Variants in SPOCK3 observed in about 807,000 individuals in gnomAD.
SPOCK3 encodes testican-3.
Under a neutral mutation model 56.6 loss-of-function variants are expected in SPOCK3, and 30 were observed. That is an observed-to-expected ratio of 0.53 (90% CI 0.40 to 0.72). The LOEUF (loss-of-function observed/expected upper bound fraction) is 0.72. SPOCK3 is among the 30% of genes least tolerant of loss of function. The probability of loss-of-function intolerance (pLI) is 0.00; values close to 1 mark genes in which losing one functional copy is unlikely to be tolerated. For synonymous variants in SPOCK3, 196 were observed against 183.3 expected, an observed-to-expected ratio of 1.07 and a Z score of -0.56; for missense variants, 527 against 530.0, an observed-to-expected ratio of 0.99 and a Z score of 0.06.
chr4:167,065,351 G>T (rs1467661102), intron 2 of SPOCK3, among the ~76,000 whole-genome samples: 1 of 151,796 alleles, frequency 6.6e-6, no homozygotes, highest in Non-Finnish European at 1.5e-5. Context: ...CTGAACACCT[G>T]CAGAGATGAG....
chr4:167,108,258 A>C (rs1266751068), intron 2 of SPOCK3, among the ~76,000 whole-genome samples: 2 of 151,886 alleles, frequency 1.3e-5, no homozygotes, highest in Non-Finnish European at 2.9e-5. Context: ...GTTCCTCAAA[A>C]AACTAAAAAT....
chr4:167,172,460 A>G (rs912817096), intron 2 of SPOCK3, among the ~76,000 whole-genome samples: 1 of 152,198 alleles, frequency 6.6e-6, no homozygotes, highest in African/African-American at 2.4e-5. Context: ...ATATAAACTG[A>G]CAACCAACCA....
chr4:167,109,177 T>A (rs866981343), intron 2 of SPOCK3, among the ~76,000 whole-genome samples: 14 of 78,598 alleles, frequency 1.8e-4, no homozygotes, highest in African/African-American at 7.0e-4. Flanking sequence ...TATATAAAAA[T>A]ATATATAAAT....
intron 6 of SPOCK3, among the ~76,000 whole-genome samples, chr4:166,874,894 C>G (rs1328030745): frequency 6.6e-6 from 1 of 151,966 alleles, no homozygotes; most frequent in Non-Finnish European, 1.5e-5. Flanking sequence ...ATGTCAATAC[C>G]TTCTATTTAT....
chr4:166,873,354 T>C (rs1732699103), intron 6 of SPOCK3, among the ~76,000 whole-genome samples: 1 of 152,144 alleles, frequency 6.6e-6, no homozygotes, highest in Non-Finnish European at 1.5e-5. Context: ...TCCAAGCCCA[T>C]AATATGTACA....
chr4:166,935,594 C>T (rs554042730), intron 4 of SPOCK3, among the ~76,000 whole-genome samples: 3 of 152,254 alleles, frequency 2.0e-5, no homozygotes, highest in Admixed American at 1.3e-4. Flanking sequence ...ATGTTAACCA[C>T]TGTAAATGTA....
At chr4:167,119,384 A>G (rs1216428319) in intron 2 of SPOCK3, among the ~76,000 whole-genome samples, 2 of 152,170 alleles carry the variant, frequency 1.3e-5, no homozygotes, top group East Asian at 3.8e-4. Flanking sequence ...AATACATATG[A>G]GAGCAGATGT....
chr4:166,799,231 G>A (rs552271542), intron 6 of SPOCK3, among the ~76,000 whole-genome samples: 7 of 152,284 alleles, frequency 4.6e-5, no homozygotes, highest in African/African-American at 1.7e-4. Flanking sequence ...GAGCAAAATG[G>A]AGAAGTACTG....
At chr4:166,833,082 A>G (rs1160970054) in intron 6 of SPOCK3, among the ~76,000 whole-genome samples, 2 of 152,216 alleles carry the variant, frequency 1.3e-5, no homozygotes, top group Non-Finnish European at 2.9e-5. Flanking sequence ...TTAAAAAAGC[A>G]AACAAATATT....
intron 4 of SPOCK3, among the ~76,000 whole-genome samples, chr4:166,953,911 A>C (rs888083917): frequency 1.3e-5 from 2 of 152,112 alleles, no homozygotes; most frequent in African/African-American, 4.8e-5. Flanking sequence ...CAGGAAGGGG[A>C]ACATCACACT....
intron 9 of SPOCK3, among the ~76,000 whole-genome samples, chr4:166,738,576 G>C (rs1445626664): frequency 6.8e-6 from 1 of 147,574 alleles, no homozygotes; most frequent in Non-Finnish European, 1.5e-5. Flanking sequence ...CCATTAACTC[G>C]TCACTTAGCA....
chr4:167,127,231 C>T (rs1762353233), intron 2 of SPOCK3, among the ~76,000 whole-genome samples: 2 of 152,052 alleles, frequency 1.3e-5, no homozygotes, highest in South Asian at 2.1e-4. Context: ...TATGTGTCAA[C>T]AGATACTAAT....
At chr4:167,023,684 G>A (rs1439158579) in intron 3 of SPOCK3, among the ~76,000 whole-genome samples, 1 of 151,884 alleles carries the variant, frequency 6.6e-6, no homozygotes, top group Non-Finnish European at 1.5e-5. Context: ...AATGCTCCAG[G>A]CATGGTTCTG....
intron 2 of SPOCK3, among the ~76,000 whole-genome samples, chr4:167,072,993 T>C (rs115555278): frequency 7.5e-4 from 114 of 151,948 alleles, no homozygotes; most frequent in African/African-American, 2.7e-3. Flanking sequence ...AGATATTGTT[T>C]ACTGCTTAAG....
chr4:166,744,344 G>T (rs1249761669), intron 8 of SPOCK3, among the ~76,000 whole-genome samples: 2 of 152,154 alleles, frequency 1.3e-5, no homozygotes, highest in Admixed American at 1.3e-4. Context: ...GGCAAACAGG[G>T]TCTGGAGTGG....
intron 7 of SPOCK3, among the ~76,000 whole-genome samples, chr4:166,764,886 C>A (rs551693538): frequency 3.4e-4 from 51 of 151,590 alleles, no homozygotes; most frequent in Non-Finnish European, 7.1e-4. Context: ...ACCATTCTAA[C>A]TGGTGTGAGA....
At chr4:167,087,397 C>T (rs1291842347) in intron 2 of SPOCK3, among the ~76,000 whole-genome samples, 1 of 152,156 alleles carries the variant, frequency 6.6e-6, no homozygotes, top group African/African-American at 2.4e-5. Flanking sequence ...TCTTGAAATA[C>T]AGAACGCAAT....
At chr4:166,948,837 C>T (rs955093363) in intron 4 of SPOCK3, among the ~76,000 whole-genome samples, 2 of 151,836 alleles carry the variant, frequency 1.3e-5, no homozygotes, top group Non-Finnish European at 2.9e-5. Context: ...TTGCTCTTCT[C>T]GAGGAGTATC....
intron 2 of SPOCK3, among the ~76,000 whole-genome samples, chr4:167,214,695 TC>T (rs1303551577): frequency 6.6e-6 from 1 of 152,136 alleles, no homozygotes; most frequent in Non-Finnish European, 1.5e-5. Context: ...TTAGGGTGAA[TC>T]TTAGAATGAA....
Sources: gnomAD v4.1 joint callset for allele counts (sites outside exome capture counted in the v4.1 genomes callset) on GRCh38, gnomAD v4.1.1 for gene constraint, MANE v1.5 for transcripts, NCBI Gene and HGNC (gene_info 2026-07-23, HGNC 2026-07-21) for gene names.